ASPH: variants seen among roughly 807,000 people sequenced by gnomAD.
The protein encoded by ASPH is aspartyl/asparaginyl beta-hydroxylase.
Under a neutral mutation model 118.4 loss-of-function variants are expected in ASPH, and 100 were observed. The observed-to-expected ratio is 0.84, with a 90% CI of 0.72 to 1.00. ASPH has a LOEUF of 1.00. ASPH is among the 50% of genes least tolerant of loss of function. The pLI is 0.00. For missense variants in ASPH, 920 were observed against 919.5 expected (o/e 1.00, Z -0.01); for synonymous variants, 315 against 325.6 (o/e 0.97, Z 0.35).
intron 5 of ASPH, among the ~76,000 whole-genome samples, chr8:61,648,959 T>C (rs7818495): frequency 0.84 from 127,137 of 152,120 alleles, 53,272 homozygotes; most frequent in African/African-American, 0.88. Flanking sequence ...GCAGGGGTGC[T>C]AAAGCAGTGA....
At chr8:61,527,964 C>T (rs569054514) in intron 21 of ASPH, among the ~76,000 whole-genome samples, 8 of 152,182 alleles carry the variant, frequency 5.3e-5, no homozygotes, top group Non-Finnish European at 7.4e-5. Context: ...ACACAGAGAG[C>T]GTGACTGCCT....
At chr8:61,599,854 C>A (rs553332644) in intron 14 of ASPH, among the ~76,000 whole-genome samples, 4 of 152,264 alleles carry the variant, frequency 2.6e-5, no homozygotes, top group African/African-American at 9.6e-5. Context: ...AACACCAATT[C>A]TCAAACTATT....
At chr8:61,581,838 CT>C (rs774867411) in intron 15 of ASPH, among the ~76,000 whole-genome samples, 78 of 152,126 alleles carry the variant, frequency 5.1e-4, no homozygotes, top group Non-Finnish European at 9.6e-4. Flanking sequence ...ATTTCAAACC[CT>C]TTTTCCAGAG....
At chr8:61,630,188 G>T (rs1854936041) in intron 13 of ASPH, among the ~76,000 whole-genome samples, 2 of 152,092 alleles carry the variant, frequency 1.3e-5, no homozygotes, top group African/African-American at 2.4e-5. Context: ...TTAGTATTAG[G>T]ATAATCAGAG....
At chr8:61,507,133 A>C (rs1190863533) in intron 24 of ASPH, among the ~76,000 whole-genome samples, 5 of 152,230 alleles carry the variant, frequency 3.3e-5, no homozygotes, top group Admixed American at 3.3e-4. Flanking sequence ...CCATTCATTA[A>C]ATTAAATTCC....
At chr8:61,704,594 T>C (rs1412504999) in intron 1 of ASPH, among the ~76,000 whole-genome samples, 1 of 152,004 alleles carries the variant, frequency 6.6e-6, no homozygotes, top group Non-Finnish European at 1.5e-5. Flanking sequence ...TATATATATC[T>C]GAAAAGAACT....
chr8:61,502,958 A>C lies in ASPH; in HGVS notation c.*401T>G, dbSNP rs1805188146. 6.5e-6 allele frequency: 1 copy of C among 154,694 alleles called. No individual in the cohort carries two copies. The highest frequency in any genetic ancestry group is 1.4e-5 in the Non-Finnish European group (1 of 69,768). The allele number at this position is 154,694 out of a possible 1,614,324, so 9.6% of individuals were successfully genotyped here. On this transcript the variant is annotated 3_prime_UTR_variant, in exon 25 of 25. Transcript: ENST00000379454. ...GTGGTACATGATGACAAAATAGTCT[A>C]GCTACACTAGAAAAATATAACTGCA...
intron 14 of ASPH, among the ~76,000 whole-genome samples, chr8:61,595,659 C>G (rs1842318577): frequency 6.6e-6 from 1 of 152,082 alleles, no homozygotes; most frequent in African/African-American, 2.4e-5. Flanking sequence ...TTCCTCAAAC[C>G]AGTGATAAAA....
intron 14 of ASPH, among the ~76,000 whole-genome samples, chr8:61,596,638 A>C (rs1295216046): frequency 1.3e-5 from 2 of 152,192 alleles, no homozygotes; most frequent in Non-Finnish European, 2.9e-5. Flanking sequence ...ACTGATGCTG[A>C]ACACAGCCAA....
chr8:61,603,986 T>A (rs1844857783), intron 14 of ASPH, among the ~76,000 whole-genome samples: 1 of 152,160 alleles, frequency 6.6e-6, no homozygotes, highest in Non-Finnish European at 1.5e-5. Flanking sequence ...GTGAAAAAGG[T>A]ATGTTCAGGG....
intron 1 of ASPH, among the ~76,000 whole-genome samples, chr8:61,685,862 C>T (rs1830304624): frequency 6.6e-6 from 1 of 151,166 alleles, no homozygotes; most frequent in Non-Finnish European, 1.5e-5. Context: ...GATCTCGGCT[C>T]GGTTCAAGGG....
chr8:61,643,495 T>G (rs1246955428), intron 8 of ASPH, 62 bp from the exon 9 acceptor site: 3 of 1,433,328 alleles, frequency 2.1e-6, no homozygotes, highest in South Asian at 1.2e-5. Flanking sequence ...CCAGACAGCA[T>G]TCTAGGAGAT....
chr8:61,574,398 C>T (rs1210277774), intron 16 of ASPH, among the ~76,000 whole-genome samples: 1 of 152,224 alleles, frequency 6.6e-6, no homozygotes, highest in Non-Finnish European at 1.5e-5. Flanking sequence ...CACATGCACA[C>T]ATCTGTTTAT....
At chr8:61,689,646 C>T in intron 1 of ASPH, 1 of 1,574,810 alleles carries the variant, frequency 6.3e-7, no homozygotes, top group Non-Finnish European at 8.7e-7. Context: ...TCTAAAGCCA[C>T]TTTTAGCCTA....
At chr8:61,561,927 A>G (rs1334367196) in intron 18 of ASPH, among the ~76,000 whole-genome samples, 4 of 152,218 alleles carry the variant, frequency 2.6e-5, no homozygotes, top group Non-Finnish European at 2.9e-5. Context: ...ACCACGTGTC[A>G]AAAACAAAAA....
intron 3 of ASPH, among the ~76,000 whole-genome samples, chr8:61,667,014 T>C (rs749158846): frequency 4.6e-5 from 7 of 151,604 alleles, no homozygotes; most frequent in Admixed American, 3.9e-4. Context: ...ATGGTGAAAA[T>C]TGTTTTCATC....
intron 16 of ASPH, 54 bp downstream of exon 16, chr8:61,576,718 C>A: frequency 6.7e-7 from 1 of 1,500,750 alleles, no homozygotes; most frequent in Admixed American, 1.9e-5. Flanking sequence ...AATTCAATCA[C>A]ACAAAACACA....
intron 1 of ASPH, among the ~76,000 whole-genome samples, chr8:61,698,993 T>C (rs1160343701): frequency 1.3e-5 from 2 of 152,198 alleles, no homozygotes; most frequent in Non-Finnish European, 2.9e-5. Context: ...ATCCCAGGAA[T>C]GTTCTGCCTG....
intron 1 of ASPH, among the ~76,000 whole-genome samples, chr8:61,706,427 A>AAAAAAAAAAAAG (rs1836675228): frequency 1.2e-5 from 1 of 86,114 alleles, no homozygotes; most frequent in African/African-American, 5.0e-5. Flanking sequence ...AAAAAAAAAA[A>AAAAAAAAAAAAG]AAGAAGAAGA....
Sources: allele counts gnomAD v4.1 joint callset (sites outside exome capture counted in the v4.1 genomes callset), GRCh38; gene constraint gnomAD v4.1.1; transcripts MANE v1.5; gene names NCBI Gene and HGNC (gene_info 2026-07-23, HGNC 2026-07-21).